Variants in CNNM2 observed in about 807,000 individuals in gnomAD.
CNNM2 encodes metal transporter CNNM2.
In CNNM2, 12 loss-of-function variants were observed where a neutral mutation model predicts 66.9. The observed-to-expected ratio is 0.18, with a 90% CI of 0.11 to 0.29. The LOEUF is 0.29. Among genes scored for constraint, CNNM2 ranks in the 10% least tolerant of loss-of-function variants. CNNM2 has a pLI of 1.00. For synonymous variants in CNNM2, 557 were observed against 501.8 expected, an observed-to-expected ratio of 1.11 and a Z score of -1.47; for missense variants, 705 against 1,167.7, an observed-to-expected ratio of 0.60 and a Z score of 5.77.
In CNNM2 at chr10:103,081,965, A is replaced by T. The variant is rs559571920; in HGVS notation, c.*4785A>T. 6.6e-6 allele frequency: 1 copy of T among 152,344 alleles called. No individual in the cohort carries two copies. The highest frequency in any genetic ancestry group is 2.4e-5 in the African/African-American group (1 of 41,566). 9.4% of individuals were successfully genotyped at this position (152,344 alleles called of 1,614,324 possible). A position where few individuals can be genotyped will look rare whatever the true frequency, so the allele number is the denominator to read the frequency against. Reference sequence around the variant, plus strand: ...CTCTCTGTATGCTAGAGCTACTGACATCATCTCTACTAGAATTGTTTTAAA... The same window carrying T: ...CTCTCTGTATGCTAGAGCTACTGACTTCATCTCTACTAGAATTGTTTTAAA... On this transcript the variant is annotated 3_prime_UTR_variant, in exon 8 of 8. Transcript: ENST00000369878.
At chr10:102,920,151 T>G (rs1215400947) in intron 1 of CNNM2, 50 bp downstream of exon 1, 1 of 1,613,542 alleles carries the variant, frequency 6.2e-7, no homozygotes, top group Non-Finnish European at 8.5e-7. Flanking sequence ...CTCTCCATCC[T>G]CCTCCCTACT....
At position 103,089,558 on chromosome 10, in the gene CNNM2, C is replaced by T. The variant is rs1432174865; in HGVS notation, c.*12378C>T. The T allele has an allele frequency of 2.1e-6, 3 of 1,420,022 alleles. No homozygotes were observed. Among genetic ancestry groups the T allele is most frequent in the Non-Finnish European group, 1.8e-6 (2 of 1,084,428 alleles). The allele number at this position is 1,420,022 out of a possible 1,614,324, so 88.0% of individuals were successfully genotyped here. On this transcript the variant is annotated 3_prime_UTR_variant, in exon 8 of 8. Transcript: ENST00000369878. ...AATCTTCAGAAACTTTTCAGACGTACCTTTCATGGAGCCCCCTCCCTCCCC... is the reference window on the plus strand; with the variant it reads ...AATCTTCAGAAACTTTTCAGACGTATCTTTCATGGAGCCCCCTCCCTCCCC...
At chr10:103,034,972 CAAAAA>C (rs71019651) in intron 1 of CNNM2, among the ~76,000 whole-genome samples, 9 of 71,136 alleles carry the variant, frequency 1.3e-4, no homozygotes, top group African/African-American at 5.5e-4. Flanking sequence ...GACTCCGTCT[CAAAAA>C]AAAAAAAAAA....
At chr10:102,944,541 A>C (rs1170555259) in intron 1 of CNNM2, among the ~76,000 whole-genome samples, 1 of 151,362 alleles carries the variant, frequency 6.6e-6, no homozygotes, top group Non-Finnish European at 1.5e-5. Flanking sequence ...CTTCATCTAC[A>C]TTCACCAGTT....
intron 1 of CNNM2, among the ~76,000 whole-genome samples, chr10:102,986,557 C>T (rs1237510565): frequency 2.0e-5 from 3 of 151,610 alleles, no homozygotes; most frequent in Non-Finnish European, 4.4e-5. Flanking sequence ...CCGAGGTGGG[C>T]GGATCACGAG....
At chr10:103,055,132 G>C (rs1005981208) in intron 3 of CNNM2, among the ~76,000 whole-genome samples, 1 of 152,150 alleles carries the variant, frequency 6.6e-6, no homozygotes, top group Non-Finnish European at 1.5e-5. Flanking sequence ...GAGAGGTCAA[G>C]GTTGAATGGA....
intron 1 of CNNM2, among the ~76,000 whole-genome samples, chr10:102,969,589 G>A (rs7908836): frequency 1.0e-3 from 158 of 152,016 alleles, no homozygotes; most frequent in African/African-American, 3.2e-3. Context: ...AAATTATTTC[G>A]GCTATTTCAG....
rs1564874337 is a variant in CNNM2 at position 103,077,845 on chromosome 10, AC to A, written c.*669del. 6.6e-6 allele frequency: 1 copy of A among 152,434 alleles called. No individual in the cohort carries two copies. The highest frequency in any genetic ancestry group is 1.5e-5 in the Non-Finnish European group (1 of 68,002). 9.4% of individuals were successfully genotyped at this position (152,434 alleles called of 1,614,324 possible). The stretch of plus-strand genomic sequence containing the variant: ...TTTTGAGAATTTAATGTTTAACTGT[AC>A]CCCTTTCCCTCAGGAAGATTTAACA... On this transcript the variant is annotated 3_prime_UTR_variant, in exon 8 of 8. Coordinates refer to ENST00000369878, the MANE Select transcript of CNNM2 (RefSeq NM_017649.5).
At chr10:103,007,378 C>T (rs745568727) in intron 1 of CNNM2, among the ~76,000 whole-genome samples, 11 of 152,090 alleles carry the variant, frequency 7.2e-5, no homozygotes, top group South Asian at 2.1e-4. Flanking sequence ...AGCAGAGAAC[C>T]GGTCTGACCT....
At chr10:102,964,480 C>T (rs1248253527) in intron 1 of CNNM2, among the ~76,000 whole-genome samples, 1 of 152,138 alleles carries the variant, frequency 6.6e-6, no homozygotes, top group Non-Finnish European at 1.5e-5. Context: ...TCACCCGCTT[C>T]GGCCTCCGAA....
At chr10:103,004,304 A>C (rs1590380153) in intron 1 of CNNM2, among the ~76,000 whole-genome samples, 1 of 152,078 alleles carries the variant, frequency 6.6e-6, no homozygotes, top group South Asian at 2.1e-4. Flanking sequence ...GCTCAGCCTC[A>C]TTGCGTGATT....
chr10:102,938,815 T>C (rs1041086673), intron 1 of CNNM2, among the ~76,000 whole-genome samples: 1 of 152,014 alleles, frequency 6.6e-6, no homozygotes, highest in Admixed American at 6.6e-5. Context: ...TATACCAGCG[T>C]TTTGACCTGA....
chr10:102,936,351 C>A (rs1846238797), intron 1 of CNNM2, among the ~76,000 whole-genome samples: 1 of 152,114 alleles, frequency 6.6e-6, no homozygotes, highest in South Asian at 2.1e-4. Context: ...TAGTGTACCT[C>A]CTTGATGTAA....
intron 1 of CNNM2, among the ~76,000 whole-genome samples, chr10:102,976,621 T>C (rs1324342056): frequency 8.9e-5 from 9 of 100,930 alleles, no homozygotes; most frequent in African/African-American, 2.4e-4. Context: ...ATTTTTTTTT[T>C]TTTTTTTTTT....
At chr10:103,065,295 T>C (rs570846656) in intron 4 of CNNM2, among the ~76,000 whole-genome samples, 5 of 152,306 alleles carry the variant, frequency 3.3e-5, no homozygotes, top group East Asian at 3.9e-4. Context: ...CCGGAAATCT[T>C]TTTAAATAAA....
At chr10:103,060,933 A>G (rs1028786077) in intron 4 of CNNM2, among the ~76,000 whole-genome samples, 5 of 152,362 alleles carry the variant, frequency 3.3e-5, no homozygotes, top group African/African-American at 1.2e-4. Flanking sequence ...GTAATAAAAT[A>G]TATATAGTAT....
chr10:102,939,545 G>T (rs1846353869), intron 1 of CNNM2, among the ~76,000 whole-genome samples: 1 of 151,948 alleles, frequency 6.6e-6, no homozygotes, highest in South Asian at 2.1e-4. Context: ...TTTCTTTTTA[G>T]GTTCTTGATT....
At chr10:103,011,358 C>T (rs926807561) in intron 1 of CNNM2, among the ~76,000 whole-genome samples, 2 of 152,050 alleles carry the variant, frequency 1.3e-5, no homozygotes, top group Admixed American at 1.3e-4. Context: ...GAGGCTGAGG[C>T]AGGAGAATCA....
At chr10:103,074,478 C>T (rs911140252) in intron 6 of CNNM2, among the ~76,000 whole-genome samples, 2 of 152,160 alleles carry the variant, frequency 1.3e-5, no homozygotes, top group South Asian at 2.1e-4. Context: ...TTTAATTTGT[C>T]TAACAATGGA....
Sources: gnomAD v4.1 joint callset for allele counts (sites outside exome capture counted in the v4.1 genomes callset) on GRCh38, gnomAD v4.1.1 for gene constraint, MANE v1.5 for transcripts, NCBI Gene and HGNC (gene_info 2026-07-23, HGNC 2026-07-21) for gene names.